The following LMNTD1 variants were observed in gnomAD, a reference collection of about 807,000 sequenced individuals.
LMNTD1 encodes the protein lamin tail domain-containing protein 1.
LMNTD1 carries 35 observed loss-of-function variants against 50.9 expected under a neutral mutation model. The ratio of observed to expected loss-of-function variants is 0.69; its 90% CI spans 0.53 to 0.91. The LOEUF (loss-of-function observed/expected upper bound fraction) is 0.91. LMNTD1 is among the 40% of genes least tolerant of loss of function. The pLI is 0.00. For synonymous variants in LMNTD1, 153 were observed against 161.9 expected, an observed-to-expected ratio of 0.94 and a Z score of 0.42; for missense variants, 470 against 475.5, an observed-to-expected ratio of 0.99 and a Z score of 0.11.
At chr12:25,581,242 G>A (rs748698849) in intron 1 of LMNTD1, among the ~76,000 whole-genome samples, 3 of 152,144 alleles carry the variant, frequency 2.0e-5, no homozygotes, top group South Asian at 2.1e-4. Flanking sequence ...AAGGCCCCGC[G>A]CAGTGCTTTA....
chr12:25,628,763 G>A (rs1322172030), intron 1 of LMNTD1, among the ~76,000 whole-genome samples: 1 of 152,120 alleles, frequency 6.6e-6, no homozygotes, highest in Non-Finnish European at 1.5e-5. Flanking sequence ...AAGAGGCAAG[G>A]GATGAATTCC....
intron 4 of LMNTD1, among the ~76,000 whole-genome samples, chr12:25,531,542 A>G (rs1346502629): frequency 2.6e-5 from 4 of 152,090 alleles, no homozygotes; most frequent in African/African-American, 9.7e-5. Context: ...GCTGACTTTA[A>G]GACTTTTTTT....
intron 1 of LMNTD1, among the ~76,000 whole-genome samples, chr12:25,633,044 CA>C (rs1485575124): frequency 4.4e-5 from 2 of 45,130 alleles, no homozygotes; most frequent in Admixed American, 6.3e-4. Flanking sequence ...AAAAAAAAAA[CA>C]AACTTTAAAG....
At chr12:25,492,722 A>G (rs952858489) in intron 9 of LMNTD1, among the ~76,000 whole-genome samples, 2 of 152,210 alleles carry the variant, frequency 1.3e-5, no homozygotes, top group African/African-American at 4.8e-5. Context: ...TTTCTTAGAA[A>G]AATAACCGCT....
chr12:25,603,815 G>A (rs944939912), intron 1 of LMNTD1, among the ~76,000 whole-genome samples: 1 of 151,948 alleles, frequency 6.6e-6, no homozygotes, highest in African/African-American at 2.4e-5. Flanking sequence ...TCTGAAGTGG[G>A]GAGAAGGGAA....
chr12:25,606,768 A>T (rs1425940164), intron 1 of LMNTD1, among the ~76,000 whole-genome samples: 1 of 152,214 alleles, frequency 6.6e-6, no homozygotes, highest in South Asian at 2.1e-4. Context: ...ATCAATGTTC[A>T]TCAAGGGTAT....
At chr12:25,619,252 C>CTCTCTCTATATA (rs1374134268) in intron 1 of LMNTD1, among the ~76,000 whole-genome samples, 18 of 84,438 alleles carry the variant, frequency 2.1e-4, no homozygotes, top group East Asian at 8.4e-4. Context: ...CTCTCTCTCT[C>CTCTCTCTATATA]TATATATATA....
chr12:25,635,773 G>T (rs938909438), intron 1 of LMNTD1, among the ~76,000 whole-genome samples: 1 of 152,154 alleles, frequency 6.6e-6, no homozygotes, highest in Admixed American at 6.6e-5. Flanking sequence ...GCATGGTACT[G>T]GTATAAAAAC....
At chr12:25,505,172 A>G (rs116045216) in intron 8 of LMNTD1, among the ~76,000 whole-genome samples, 290 of 150,398 alleles carry the variant, frequency 1.9e-3, no homozygotes, top group African/African-American at 6.9e-3. Context: ...TTTCCATGTC[A>G]GTGGGTAATG....
chr12:25,565,883 T>C (rs1194323187), intron 1 of LMNTD1, among the ~76,000 whole-genome samples: 2 of 152,198 alleles, frequency 1.3e-5, no homozygotes, highest in African/African-American at 4.8e-5. Flanking sequence ...AACGTTTTTG[T>C]TGTTTTTCTC....
At chr12:25,491,839 G>A (rs1938894055) in intron 9 of LMNTD1, among the ~76,000 whole-genome samples, 1 of 152,176 alleles carries the variant, frequency 6.6e-6, no homozygotes, top group African/African-American at 2.4e-5. Flanking sequence ...CATTGTGGGG[G>A]CAGGTTACAA....
chr12:25,521,302 G>A (rs188539372), intron 6 of LMNTD1, among the ~76,000 whole-genome samples: 18 of 152,270 alleles, frequency 1.2e-4, no homozygotes, highest in African/African-American at 2.4e-4. Context: ...AAAGGACCAC[G>A]TCAAGGAGCT....
chr12:25,605,579 G>C (rs1472411840), intron 1 of LMNTD1, among the ~76,000 whole-genome samples: 1 of 152,160 alleles, frequency 6.6e-6, no homozygotes, highest in Non-Finnish European at 1.5e-5. Context: ...AGTTTTCCCA[G>C]CACCATTTAT....
At chr12:25,606,710 C>G (rs1296644645) in intron 1 of LMNTD1, among the ~76,000 whole-genome samples, 2 of 152,088 alleles carry the variant, frequency 1.3e-5, no homozygotes, top group South Asian at 2.1e-4. Context: ...TAAGCTTTTT[C>G]ATGTGCTGCT....
rs373420455 is a variant in LMNTD1 at position 25,549,475 on chromosome 12, G to A, written c.161C>T (p.Thr54Ile). 9 of 1,613,232 alleles carry A rather than the reference G, an allele frequency of 5.6e-6. No homozygotes were observed. Among genetic ancestry groups the A allele is most frequent in the East Asian group, 2.2e-5 (1 of 44,836 alleles). ...GGAATTTGAAGATGACAATGGCAGT[G>A]TTGTGGCAACTGAACCCAACATCTT... ...SPKMLGSVAT[T>I]LPLSSSNSSG... The change falls in exon 3 of 10, where the codon ACA becomes ATA. Residue 54 changes from threonine (T) to isoleucine (I), a missense_variant. Transcript: ENST00000458174.
intron 9 of LMNTD1, 46 bp downstream of exon 9, chr12:25,503,690 CAT>C: frequency 1.1e-6 from 1 of 938,164 alleles, no homozygotes. Context: ...TTACTTTAGT[CAT>C]ATTATTTTTC....
chr12:25,634,552 C>A (rs886124257), intron 1 of LMNTD1, among the ~76,000 whole-genome samples: 1 of 152,102 alleles, frequency 6.6e-6, no homozygotes. Context: ...ATGTGATACA[C>A]CCCATAAACA....
Position 25,526,104 on chromosome 12 carries a change from C to A in LMNTD1, c.793G>T (p.Gly265Cys). ...GTTAAGAACCAGAAACTAACTTGAC[C>A]GTTCGGTTTGCACAGGATTGTTATA... Reference protein sequence around the residue: ...DCITILCKPNGQAIAWYTPIH... With the variant: ...DCITILCKPNCQAIAWYTPIH... Residue 265 changes from glycine (G) to cysteine (C), a missense_variant, in exon 6 of 10, where the codon GGT becomes TGT. Gly to Cys is a radical substitution (Grantham distance 159). Transcript: ENST00000458174. 1.3e-6 allele frequency: 2 copies of A among 1,564,322 alleles called. No individual in the cohort carries two copies. The highest frequency in any genetic ancestry group is 1.2e-5 in the South Asian group (1 of 80,886).
intron 9 of LMNTD1, among the ~76,000 whole-genome samples, chr12:25,488,128 G>C (rs1368883636): frequency 6.9e-6 from 1 of 145,938 alleles, no homozygotes; most frequent in East Asian, 2.1e-4. Context: ...TGCTCTTCTC[G>C]AGGAGTATCT....
Sources: allele counts gnomAD v4.1 joint callset (sites outside exome capture counted in the v4.1 genomes callset), GRCh38; gene constraint gnomAD v4.1.1; transcripts MANE v1.5; gene names NCBI Gene and HGNC (gene_info 2026-07-23, HGNC 2026-07-21).